Variants in CSMD1 observed in about 807,000 individuals in gnomAD.
CSMD1 encodes CUB and Sushi multiple domains 1, also known as CUB and sushi domain-containing protein 1.
CSMD1 carries 213 observed loss-of-function variants against 417.5 expected under a neutral mutation model. The ratio of observed to expected loss-of-function variants is 0.51; its 90% CI spans 0.46 to 0.57. The LOEUF (loss-of-function observed/expected upper bound fraction) is 0.57. Among genes scored for constraint, CSMD1 ranks in the 20% least tolerant of loss-of-function variants. The pLI is 0.00. For synonymous variants in CSMD1, 2,862 were observed against 1,736.8 expected, an observed-to-expected ratio of 1.65 and a Z score of -16.11; for missense variants, 6,923 against 4,529.7, an observed-to-expected ratio of 1.53 and a Z score of -15.17.
intron 2 of CSMD1, among the ~76,000 whole-genome samples, chr8:4,605,380 C>G (rs1480725967): frequency 2.0e-5 from 3 of 151,998 alleles, no homozygotes; most frequent in Non-Finnish European, 2.9e-5. Flanking sequence ...GTCCTGTAAA[C>G]CTAATTTTAT....
intron 12 of CSMD1, among the ~76,000 whole-genome samples, chr8:3,412,929 C>T (rs1013397267): frequency 2.0e-5 from 3 of 152,188 alleles, no homozygotes; most frequent in African/African-American, 7.2e-5. Context: ...CATTGGGAAG[C>T]TGGGCTGGGC....
chr8:4,166,572 G>C (rs775669468), intron 3 of CSMD1, among the ~76,000 whole-genome samples: 2 of 152,146 alleles, frequency 1.3e-5, no homozygotes, highest in Non-Finnish European at 2.9e-5. Flanking sequence ...ACAAAGGCAT[G>C]AGAATGATAT....
At chr8:4,040,099 A>C (rs1198050888) in intron 3 of CSMD1, among the ~76,000 whole-genome samples, 1 of 152,220 alleles carries the variant, frequency 6.6e-6, no homozygotes, top group East Asian at 1.9e-4. Context: ...CAGAGATTTT[A>C]ACATATCGCA....
At chr8:3,369,766 G>GA (rs1199038069) in intron 18 of CSMD1, among the ~76,000 whole-genome samples, 2 of 151,926 alleles carry the variant, frequency 1.3e-5, no homozygotes, top group African/African-American at 4.8e-5. Flanking sequence ...ACTCATTTTG[G>GA]AAAAAAAGAA....
At chr8:3,782,004 ATTT>A (rs1444446484) in intron 5 of CSMD1, among the ~76,000 whole-genome samples, 1 of 150,352 alleles carries the variant, frequency 6.7e-6, no homozygotes, top group Admixed American at 6.7e-5. Context: ...AGACATTTTG[ATTT>A]TTTAAGGGAT....
At chr8:4,765,555 A>AGG (rs1812408277) in intron 1 of CSMD1, among the ~76,000 whole-genome samples, 1 of 152,218 alleles carries the variant, frequency 6.6e-6, no homozygotes, top group Admixed American at 6.5e-5. Context: ...GAAATAACTC[A>AGG]CTAATTGATC....
At chr8:4,347,047 C>A (rs1016568302) in intron 3 of CSMD1, among the ~76,000 whole-genome samples, 1 of 152,142 alleles carries the variant, frequency 6.6e-6, no homozygotes, top group Non-Finnish European at 1.5e-5. Flanking sequence ...CTCTAATTAT[C>A]TAGACCAGAG....
At chr8:3,872,376 G>C (rs369536121) in intron 5 of CSMD1, among the ~76,000 whole-genome samples, 2 of 152,176 alleles carry the variant, frequency 1.3e-5, no homozygotes, top group Admixed American at 6.5e-5. Flanking sequence ...AGATGTCCCT[G>C]CTTCAGTGAC....
intron 12 of CSMD1, among the ~76,000 whole-genome samples, chr8:3,461,603 G>GC (rs1162138812): frequency 2.6e-5 from 4 of 152,174 alleles, no homozygotes; most frequent in African/African-American, 9.7e-5. Flanking sequence ...AAGAGGAAGG[G>GC]CCCCATGAAA....
At chr8:4,392,777 G>T (rs1803936391) in intron 3 of CSMD1, among the ~76,000 whole-genome samples, 1 of 151,572 alleles carries the variant, frequency 6.6e-6, no homozygotes, top group African/African-American at 2.4e-5. Flanking sequence ...AGAACATCCT[G>T]GCCAACATGG....
intron 23 of CSMD1, among the ~76,000 whole-genome samples, chr8:3,310,060 C>A (rs1805203608): frequency 1.3e-5 from 2 of 152,140 alleles, no homozygotes; most frequent in Admixed American, 6.5e-5. Context: ...AAGAGTGTAT[C>A]CATCTTGGTG....
At chr8:3,998,486 G>C in intron 4 of CSMD1, among the ~76,000 whole-genome samples, 1 of 152,200 alleles carries the variant, frequency 6.6e-6, no homozygotes, top group Admixed American at 6.5e-5. Context: ...AAAACATGTG[G>C]GCGTTTATTC....
chr8:3,259,844 A>C lies in CSMD1; in HGVS notation c.4153+24300T>G, dbSNP rs186379375. The stretch of plus-strand genomic sequence containing the variant: ...GCTAAGAATGGTTTTACATTTTTTA[A>C]ATGGTTAAAAAATATCAAAATAAAA... On this transcript the variant is annotated intron_variant, in intron 26 of 69. Transcript: ENST00000635120. Among the ~76,000 whole-genome samples, 129 of 125,362 alleles carry C rather than the reference A, an allele frequency of 1.0e-3. 1 individual carries two copies. In the Middle Eastern group the frequency reaches 0.012, roughly 12 times the overall value. 82.2% of individuals were successfully genotyped at this position (125,362 alleles called of 152,430 possible).
At chr8:4,158,122 C>T (rs1310619259) in intron 3 of CSMD1, among the ~76,000 whole-genome samples, 1 of 151,484 alleles carries the variant, frequency 6.6e-6, no homozygotes, top group Non-Finnish European at 1.5e-5. Context: ...GCTTAAGATC[C>T]CTGCAGTCCC....
intron 41 of CSMD1, among the ~76,000 whole-genome samples, chr8:3,125,759 C>T (rs1216364782): frequency 3.9e-5 from 6 of 152,148 alleles, no homozygotes; most frequent in Non-Finnish European, 5.9e-5. Context: ...GGCAGATTAC[C>T]TGAGATCAGG....
intron 2 of CSMD1, among the ~76,000 whole-genome samples, chr8:4,618,616 C>G (rs1801609101): frequency 6.6e-6 from 1 of 152,116 alleles, no homozygotes; most frequent in African/African-American, 2.4e-5. Flanking sequence ...TTCTGAGCTT[C>G]AGATCTGAAA....
intron 26 of CSMD1, among the ~76,000 whole-genome samples, chr8:3,276,975 T>G (rs1802339368): frequency 6.6e-6 from 1 of 152,084 alleles, no homozygotes; most frequent in South Asian, 2.1e-4. Flanking sequence ...ACATTGTGTT[T>G]GGGGACTGGA....
chr8:3,106,591 C>T lies in CSMD1; in HGVS notation c.6886G>A (p.Asp2296Asn), dbSNP rs113542057. 73 of 1,613,752 alleles carry T rather than the reference C, an allele frequency of 4.5e-5. 1 individual carries two copies. The highest frequency in any genetic ancestry group is 3.1e-4 in the African/African-American group (23 of 75,014). ...GAACTGAGCTTGCAAGTCAGAATGT[C>T]GGTCCCCACCAAGGTGTACCCGGGG... is the stretch of plus-strand genomic sequence containing the variant. ...CHPGYTLVGT[D>N]ILTCKLSSQL... Residue 2296 changes from aspartate to asparagine, a missense_variant, in exon 46 of 70, where the codon GAC (aspartate) becomes AAC (asparagine). Physicochemically the swap from Asp to Asn is conservative, Grantham distance 23. Transcript: ENST00000635120.
At chr8:3,436,569 C>G (rs920569576) in intron 12 of CSMD1, among the ~76,000 whole-genome samples, 4 of 152,098 alleles carry the variant, frequency 2.6e-5, no homozygotes, top group Non-Finnish European at 5.9e-5. Flanking sequence ...TTTCTACCTT[C>G]TATATCTTAT....
Sources: gnomAD v4.1 joint callset for allele counts (sites outside exome capture counted in the v4.1 genomes callset) on GRCh38, gnomAD v4.1.1 for gene constraint, MANE v1.5 for transcripts, NCBI Gene and HGNC (gene_info 2026-07-23, HGNC 2026-07-21) for gene names.